CSMD1: variants seen among roughly 807,000 people sequenced by gnomAD.
The protein encoded by CSMD1 is CUB and sushi domain-containing protein 1.
CSMD1 carries 213 observed loss-of-function variants against 417.5 expected under a neutral mutation model. The observed-to-expected ratio is 0.51, with a 90% CI of 0.46 to 0.57. The LOEUF (loss-of-function observed/expected upper bound fraction) is 0.57, where lower values mean the gene tolerates loss of function less well. Ranked by LOEUF, CSMD1 falls within the 20% of genes least tolerant of loss-of-function variation. The pLI is 0.00. For synonymous variants in CSMD1, 2,862 were observed against 1,736.8 expected (o/e 1.65, Z -16.11); for missense variants, 6,923 against 4,529.7 (o/e 1.53, Z -15.17).
intron 3 of CSMD1, among the ~76,000 whole-genome samples, chr8:4,041,306 C>G (rs1192712048): frequency 5.9e-5 from 9 of 152,040 alleles, no homozygotes; most frequent in African/African-American, 2.2e-4. Flanking sequence ...CGTGAGCCAC[C>G]GCGCCTGGCC....
At chr8:4,477,537 A>G (rs1447014807) in intron 2 of CSMD1, among the ~76,000 whole-genome samples, 2 of 152,222 alleles carry the variant, frequency 1.3e-5, no homozygotes, top group African/African-American at 2.4e-5. Flanking sequence ...ACGATGCTCT[A>G]TGACACACAC....
intron 1 of CSMD1, among the ~76,000 whole-genome samples, chr8:4,868,332 C>T (rs1036535099): frequency 6.6e-6 from 1 of 152,042 alleles, no homozygotes. Flanking sequence ...CCCCTGGGTT[C>T]GAGCGATTCG....
chr8:3,412,692 G>A (rs1367082055), intron 12 of CSMD1, among the ~76,000 whole-genome samples: 1 of 152,164 alleles, frequency 6.6e-6, no homozygotes, highest in African/African-American at 2.4e-5. Flanking sequence ...TCAGCTCTAC[G>A]AAAGCAAAAT....
At chr8:3,457,573 A>G (rs1418706953) in intron 12 of CSMD1, among the ~76,000 whole-genome samples, 1 of 152,252 alleles carries the variant, frequency 6.6e-6, no homozygotes, top group African/African-American at 2.4e-5. Context: ...ACGCGGTTTA[A>G]AAAACACAGG....
intron 1 of CSMD1, among the ~76,000 whole-genome samples, chr8:4,699,160 G>A (rs1050850971): frequency 6.6e-6 from 1 of 152,218 alleles, no homozygotes; most frequent in African/African-American, 2.4e-5. Flanking sequence ...AATTAATTCC[G>A]TGTTTCACTC....
chr8:4,319,482 G>C (rs919647288), intron 3 of CSMD1, among the ~76,000 whole-genome samples: 1 of 152,048 alleles, frequency 6.6e-6, no homozygotes, highest in East Asian at 1.9e-4. Context: ...GCTTTGCTAG[G>C]ATAGCAGGGA....
rs1477988816 is a variant in CSMD1, at chr8:3,697,188, T to G, written c.1009+11226A>C. 2.0e-5 allele frequency among the ~76,000 whole-genome samples: 3 copies of G among 152,194 alleles called. No individual in the cohort carries two copies. The South Asian group carries it at 6.2e-4, about 31-fold the overall frequency. On this transcript the variant is annotated intron_variant, in intron 7 of 69. Transcript: ENST00000635120. ...AACTTTTCATTCAGTGAGGCTAAATTATCAAGTCTGGGCAAAACTTATTTC... is the reference window on the plus strand; with the variant it reads ...AACTTTTCATTCAGTGAGGCTAAATGATCAAGTCTGGGCAAAACTTATTTC...
At chr8:4,670,923 T>A (rs1563109020) in intron 1 of CSMD1, among the ~76,000 whole-genome samples, 1 of 152,176 alleles carries the variant, frequency 6.6e-6, no homozygotes, top group Non-Finnish European at 1.5e-5. Context: ...ATAGCTTTAT[T>A]AATTGAGCAG....
intron 1 of CSMD1, among the ~76,000 whole-genome samples, chr8:4,643,371 G>C (rs766328865): frequency 2.0e-5 from 3 of 152,112 alleles, no homozygotes; most frequent in Non-Finnish European, 4.4e-5. Context: ...CTTTCTGACA[G>C]GCAGATTTTT....
intron 5 of CSMD1, among the ~76,000 whole-genome samples, chr8:3,958,209 G>C (rs1812095247): frequency 6.6e-6 from 1 of 151,962 alleles, no homozygotes; most frequent in Non-Finnish European, 1.5e-5. Flanking sequence ...TCTTAACCCA[G>C]AAATCCATAA....
intron 5 of CSMD1, among the ~76,000 whole-genome samples, chr8:3,883,974 C>G (rs1269247890): frequency 6.6e-6 from 1 of 152,044 alleles, no homozygotes; most frequent in Admixed American, 6.6e-5. Flanking sequence ...TGTGCACATA[C>G]TAAGATAAAC....
chr8:4,194,885 T>A (rs1356996321), intron 3 of CSMD1, among the ~76,000 whole-genome samples: 1 of 152,160 alleles, frequency 6.6e-6, no homozygotes, highest in South Asian at 2.1e-4. Flanking sequence ...GTCAGCCACA[T>A]AATTAGAACT....
intron 10 of CSMD1, among the ~76,000 whole-genome samples, chr8:3,537,268 G>T (rs1392585893): frequency 6.6e-6 from 1 of 152,184 alleles, no homozygotes; most frequent in African/African-American, 2.4e-5. Context: ...CTCCCAAAGT[G>T]CTGGGATTAC....
Position 4,173,866 on chromosome 8 carries a change from C to T in CSMD1, c.416-141767G>A, listed in dbSNP as rs138169289. On this transcript the variant is annotated intron_variant, in intron 3 of 69. Transcript: ENST00000635120. The stretch of plus-strand genomic sequence containing the variant: ...CCCTACTTCTTGGGAAGTCTCTTCT[C>T]TCCGGGTTTGAAGTGGCAGCTGAAG... Among the ~76,000 whole-genome samples, 398 of 152,268 alleles carry T rather than the reference C, an allele frequency of 2.6e-3. 5 individuals are homozygous for T. The highest frequency in any genetic ancestry group is 8.7e-3 in the African/African-American group (360 of 41,532).
At chr8:4,088,921 G>C (rs1486268660) in intron 3 of CSMD1, among the ~76,000 whole-genome samples, 1 of 152,062 alleles carries the variant, frequency 6.6e-6, no homozygotes, top group Non-Finnish European at 1.5e-5. Flanking sequence ...CAGCGAAAAA[G>C]CACTCCCCTG....
At chr8:4,085,029 C>T (rs1800347351) in intron 3 of CSMD1, among the ~76,000 whole-genome samples, 1 of 152,158 alleles carries the variant, frequency 6.6e-6, no homozygotes, top group African/African-American at 2.4e-5. Context: ...TGCAAACTAT[C>T]CACAAATTCT....
intron 1 of CSMD1, among the ~76,000 whole-genome samples, chr8:4,970,926 C>T (rs545393156): frequency 4.3e-4 from 66 of 152,126 alleles, no homozygotes; most frequent in African/African-American, 1.5e-3. Flanking sequence ...GTTGGAGTTA[C>T]CTTACAATTC....
intron 3 of CSMD1, among the ~76,000 whole-genome samples, chr8:4,221,984 C>T (rs1019374999): frequency 6.6e-6 from 1 of 152,086 alleles, no homozygotes; most frequent in Admixed American, 6.5e-5. Flanking sequence ...GGAAGCTGTC[C>T]ACCCAACGGT....
chr8:4,071,685 T>A (rs1405799530), intron 3 of CSMD1, among the ~76,000 whole-genome samples: 5 of 152,310 alleles, frequency 3.3e-5, no homozygotes, highest in African/African-American at 9.6e-5. Context: ...AATTGTGAAT[T>A]TGGTTTATTT....
Sources: allele counts gnomAD v4.1 joint callset (sites outside exome capture counted in the v4.1 genomes callset), GRCh38; gene constraint gnomAD v4.1.1; transcripts MANE v1.5; gene names NCBI Gene and HGNC (gene_info 2026-07-23, HGNC 2026-07-21).